Variants in TK2 observed in about 807,000 individuals in gnomAD.
The protein encoded by TK2 is thymidine kinase 2, mitochondrial.
TK2 carries 35 observed loss-of-function variants against 41.9 expected under a neutral mutation model. The ratio of observed to expected loss-of-function variants is 0.84; its 90% CI spans 0.64 to 1.11. TK2 has a LOEUF of 1.11. Among genes scored for constraint, TK2 ranks in the 50% least tolerant of loss-of-function variants. The probability of loss-of-function intolerance (pLI) is 0.00; values close to 1 mark genes in which losing one functional copy is unlikely to be tolerated. For missense variants in TK2, 320 were observed against 351.1 expected (o/e 0.91, Z 0.71); for synonymous variants, 128 against 129.1 (o/e 0.99, Z 0.06).
intron 6 of TK2, among the ~76,000 whole-genome samples, chr16:66,526,772 G>A (rs1203438929): frequency 6.6e-6 from 1 of 152,044 alleles, no homozygotes; most frequent in African/African-American, 2.4e-5. Context: ...AAAGCAACAA[G>A]AGCCACTGAC....
At chr16:66,515,072 G>C (rs375593417) in intron 8 of TK2, among the ~76,000 whole-genome samples, 1 of 151,360 alleles carries the variant, frequency 6.6e-6, no homozygotes, top group Non-Finnish European at 1.5e-5. Context: ...AGAGACCTTT[G>C]TTCACATGTT....
chr16:66,530,307 T>C lies in TK2; in HGVS notation c.375+1073A>G, dbSNP rs768989528. Among the ~76,000 whole-genome samples, 16 of 152,356 alleles carry C rather than the reference T, an allele frequency of 1.1e-4. 1 individual carries two copies. The Middle Eastern group carries it at 0.017, about 162-fold the overall frequency. On this transcript the variant is annotated intron_variant, in intron 5 of 9. Transcript: ENST00000544898. ...CTGTAGGGACAGTCTGTCTCCTTCA[T>C]GCAGAGCCTTAAAGCTGGCATCATA...
rs1202319946 is a variant in TK2 at position 66,527,987 on chromosome 16, G to A, written c.449+1007C>T. 2.6e-5 allele frequency among the ~76,000 whole-genome samples: 4 copies of A among 151,264 alleles called. No individual in the cohort carries two copies. The South Asian group carries it at 6.6e-4, about 25-fold the overall frequency. On this transcript the variant is annotated intron_variant, in intron 6 of 9. Coordinates refer to ENST00000544898, the MANE Select transcript of TK2 (RefSeq NM_004614.5). Reference sequence around the variant, plus strand: ...ACGGAGGTTGCAGTGAGCTGAGATCGTGCCCCCGTACTCCAGCTTGGGTGA... The same window carrying A: ...ACGGAGGTTGCAGTGAGCTGAGATCATGCCCCCGTACTCCAGCTTGGGTGA...
chr16:66,549,172 T>G, intron 1 of TK2, 163 bp from the exon 2 acceptor site: 2 of 1,486,614 alleles, frequency 1.3e-6, no homozygotes, highest in Non-Finnish European at 1.8e-6. Flanking sequence ...CGCACCACCG[T>G]CTCGCCGATG....
chr16:66,538,932 G>T (rs942454305), intron 3 of TK2, among the ~76,000 whole-genome samples: 2 of 152,126 alleles, frequency 1.3e-5, no homozygotes, highest in African/African-American at 2.4e-5. Flanking sequence ...AGCGACCCTG[G>T]ACAAGCCACT....
At chr16:66,550,203 G>A (rs1165857807), upstream of TK2, 6 of 1,611,858 alleles carry the variant, frequency 3.7e-6, no homozygotes, top group Non-Finnish European at 4.2e-6. Flanking sequence ...CTCAGCAAGA[G>A]GAGAAATACT....
intron 9 of TK2, among the ~76,000 whole-genome samples, chr16:66,512,449 CATA>C (rs1378478043): frequency 6.6e-6 from 1 of 151,686 alleles, no homozygotes; most frequent in East Asian, 1.9e-4. Context: ...CCTTTTTTTC[CATA>C]ATGAGGGAGA....
chr16:66,528,202 G>T (rs964937300), intron 6 of TK2, among the ~76,000 whole-genome samples: 2 of 152,176 alleles, frequency 1.3e-5, no homozygotes, highest in Non-Finnish European at 2.9e-5. Context: ...CTCTGCGAGG[G>T]AAGGACAGCA....
chr16:66,528,136 A>G (rs570224624), intron 6 of TK2, among the ~76,000 whole-genome samples: 12 of 150,886 alleles, frequency 8.0e-5, no homozygotes, highest in Admixed American at 5.9e-4. Context: ...GGCATTTAGG[A>G]AGACAGCTGC....
intron 2 of TK2, among the ~76,000 whole-genome samples, chr16:66,544,745 T>C (rs1323616945): frequency 6.6e-6 from 1 of 152,214 alleles, no homozygotes; most frequent in Non-Finnish European, 1.5e-5. Context: ...TAAGTAACAA[T>C]ATTTAATCTT....
intron 6 of TK2, among the ~76,000 whole-genome samples, chr16:66,527,691 T>C (rs1964976482): frequency 6.6e-6 from 1 of 152,098 alleles, no homozygotes; most frequent in Non-Finnish European, 1.5e-5. Context: ...TTTCATATGA[T>C]TGCCTTAAAT....
At chr16:66,547,931 T>C (rs1275794892) in intron 2 of TK2, 2 of 1,286,514 alleles carry the variant, frequency 1.6e-6, no homozygotes, top group East Asian at 5.6e-5. Context: ...ACATCAATGC[T>C]AGCTCAATAA....
In TK2 at chr16:66,508,954, T is replaced by TGGTGAG. The variant is rs1017616852; in HGVS notation, c.*3008_*3013dup. The TGGTGAG allele has an allele frequency of 6.6e-6, 1 of 151,940 alleles. No homozygotes were observed. 9.4% of individuals were successfully genotyped at this position (151,940 alleles called of 1,614,324 possible). On this transcript the variant is annotated 3_prime_UTR_variant, in exon 10 of 10. Transcript: ENST00000544898. ...GGGACATTACGGTACGGGATGGGAA[T>TGGTGAG]GGTGAGGGTGAGGATGAGGGTGGGA...
chr16:66,527,884 T>C (rs1255942171), intron 6 of TK2, among the ~76,000 whole-genome samples: 1 of 151,668 alleles, frequency 6.6e-6, no homozygotes, highest in Non-Finnish European at 1.5e-5. Context: ...ACAAAAAAAA[T>C]AGCCAGGTGT....
intron 2 of TK2, among the ~76,000 whole-genome samples, chr16:66,548,485 A>C (rs1192054154): frequency 6.6e-6 from 1 of 152,108 alleles, no homozygotes; most frequent in Admixed American, 6.6e-5. Context: ...GCCTCACACT[A>C]GTCACAGCCC....
intron 3 of TK2, among the ~76,000 whole-genome samples, chr16:66,540,684 T>G (rs1474399509): frequency 6.6e-6 from 1 of 152,248 alleles, no homozygotes; most frequent in Admixed American, 6.5e-5. Flanking sequence ...TTTTAGTGAC[T>G]AGGCTTTAAA....
chr16:66,532,983 C>T (rs1965162753), intron 4 of TK2, among the ~76,000 whole-genome samples: 1 of 152,082 alleles, frequency 6.6e-6, no homozygotes, highest in Non-Finnish European at 1.5e-5. Flanking sequence ...CATAACTGTT[C>T]TCTATAGTAG....
intron 6 of TK2, among the ~76,000 whole-genome samples, chr16:66,524,568 C>A (rs775770702): frequency 3.3e-5 from 5 of 152,150 alleles, no homozygotes; most frequent in Non-Finnish European, 1.5e-5. Flanking sequence ...GAACTCCTGG[C>A]TTCAAGTGAT....
intron 6 of TK2, among the ~76,000 whole-genome samples, chr16:66,519,830 T>C (rs1174840622): frequency 2.6e-5 from 4 of 151,336 alleles, no homozygotes; most frequent in African/African-American, 9.7e-5. Context: ...AGGCTCTCAG[T>C]GGGGAGGGGG....
Sources: gnomAD v4.1 joint callset for allele counts (sites outside exome capture counted in the v4.1 genomes callset) on GRCh38, gnomAD v4.1.1 for gene constraint, MANE v1.5 for transcripts, NCBI Gene and HGNC (gene_info 2026-07-23, HGNC 2026-07-21) for gene names.